Variants in ACAD9 observed in about 807,000 individuals in gnomAD.
The protein encoded by ACAD9 is acyl-CoA dehydrogenase family member 9, also known as complex I assembly factor ACAD9, mitochondrial.
ACAD9 carries 53 observed loss-of-function variants against 70.2 expected under a neutral mutation model. The observed-to-expected ratio is 0.75, with a 90% confidence interval of 0.61 to 0.95. The LOEUF (loss-of-function observed/expected upper bound fraction) is 0.95. Among genes scored for constraint, ACAD9 ranks in the 40% least tolerant of loss-of-function variants. The pLI is 0.00. For missense variants in ACAD9, 777 were observed against 802.8 expected (o/e 0.97, Z 0.39); for synonymous variants, 313 against 312.1 (o/e 1.00, Z -0.03).
At chr3:128,909,138 C>T (rs1298250838) in intron 14 of ACAD9, 39 bp downstream of exon 14, 10 of 1,613,028 alleles carry the variant, frequency 6.2e-6, no homozygotes, top group African/African-American at 1.3e-5. Context: ...ATTTCAATGC[C>T]CTCCTGCCAG....
intron 4 of ACAD9, among the ~76,000 whole-genome samples, 172 bp from the exon 5 acceptor site, chr3:128,896,264 G>A (rs1237888775): frequency 2.6e-5 from 4 of 152,256 alleles, no homozygotes; most frequent in Non-Finnish European, 5.9e-5. Context: ...CGCCCTGACC[G>A]TCTCCTCAGC....
intron 13 of ACAD9, chr3:128,908,724 C>T (rs1412949405): frequency 3.4e-6 from 2 of 593,564 alleles, no homozygotes; most frequent in African/African-American, 1.9e-5. Context: ...GTCTCCTTCA[C>T]AGGAGACAGC....
At chr3:128,900,251 T>C (rs1395735055) in intron 7 of ACAD9, among the ~76,000 whole-genome samples, 1 of 152,076 alleles carries the variant, frequency 6.6e-6, no homozygotes, top group African/African-American at 2.4e-5. Context: ...TGGTTTGTTT[T>C]TTTTGAGACG....
Position 128,910,052 on chromosome 3 carries a change from G to A in ACAD9, c.1595G>A (p.Arg532Gln), listed in dbSNP as rs770127110. ...TIMEEQLVLK[R>Q]VANILINLYG... Reference sequence around the variant, plus strand: ...ATGGAGGAGCAGCTGGTACTGAAGCGGGTGGCCAACATCCTCATCAACCTG... The same window carrying A: ...ATGGAGGAGCAGCTGGTACTGAAGCAGGTGGCCAACATCCTCATCAACCTG... Residue 532 changes from arginine (R) to glutamine (Q), a missense_variant, in exon 16 of 18, where the codon CGG (arginine) becomes CAG (glutamine). Transcript: ENST00000308982. 10 of 1,613,778 alleles carry A rather than the reference G, an allele frequency of 6.2e-6. No homozygotes were observed. Among genetic ancestry groups the A allele is most frequent in the South Asian group, 4.4e-5 (4 of 90,934 alleles).
chr3:128,891,731 A>G (rs1364844596), intron 2 of ACAD9, among the ~76,000 whole-genome samples: 2 of 152,208 alleles, frequency 1.3e-5, no homozygotes, highest in Non-Finnish European at 2.9e-5. Flanking sequence ...CTGACTTCAT[A>G]TTGCTTCAGA....
chr3:128,912,238 G>A (rs1936409469), intron 17 of ACAD9, among the ~76,000 whole-genome samples: 1 of 152,186 alleles, frequency 6.6e-6, no homozygotes, highest in Non-Finnish European at 1.5e-5. Flanking sequence ...TCACAGATGG[G>A]CTGTTTACGG....
intron 5 of ACAD9, 69 bp downstream of exon 5, chr3:128,896,605 G>A: frequency 1.3e-6 from 2 of 1,526,560 alleles, no homozygotes; most frequent in Non-Finnish European, 1.8e-6. Flanking sequence ...GGGGCAAGGG[G>A]CTGTTGGTTT....
At chr3:128,895,232 G>T in intron 3 of ACAD9, 78 bp from the exon 4 acceptor site, 1 of 999,354 alleles carries the variant, frequency 1.0e-6, no homozygotes, top group Non-Finnish European at 1.5e-6. Context: ...ATAATCAGAA[G>T]AAAAAAAAAA....
intron 17 of ACAD9, 147 bp from the exon 18 acceptor site, chr3:128,912,360 C>T: frequency 1.4e-6 from 1 of 707,874 alleles, no homozygotes; most frequent in Non-Finnish European, 2.6e-6. Context: ...CCCTGAATCA[C>T]TTGCTGGGGG....
Position 128,893,719 on chromosome 3 carries a change from A to G in ACAD9, c.346+63A>G, listed in dbSNP as rs10460833. ...TTAAGAAAGCACTCTGTATTTGTCC[A>G]TAACAGGTCTAGTTGCTGGAATAGA... On this transcript the variant is annotated intron_variant, in intron 3 of 17. Coordinates refer to ENST00000308982, the MANE Select transcript of ACAD9 (RefSeq NM_014049.5). 35,145 of 1,398,604 alleles carry G rather than the reference A, an allele frequency of 0.025. 1,389 individuals carry two copies. Among genetic ancestry groups the G allele is most frequent in the African/African-American group, 0.13 (9,016 of 70,684 alleles). 86.6% of individuals were successfully genotyped at this position (1,398,604 alleles called of 1,614,324 possible). A position where few individuals can be genotyped will look rare whatever the true frequency, so the allele number is the denominator to read the frequency against.
At chr3:128,906,960 C>T (rs1453709061) in intron 12 of ACAD9, among the ~76,000 whole-genome samples, 1 of 152,188 alleles carries the variant, frequency 6.6e-6, no homozygotes, top group Non-Finnish European at 1.5e-5. Context: ...CCCAGGGGCT[C>T]AGCAAGTGCT....
chr3:128,898,890 C>T (rs1399315495), intron 6 of ACAD9, among the ~76,000 whole-genome samples: 1 of 152,104 alleles, frequency 6.6e-6, no homozygotes, highest in Non-Finnish European at 1.5e-5. Context: ...TTTTTCATTT[C>T]TTTGTAGAAT....
In ACAD9 at chr3:128,911,310, A is replaced by G. The variant is rs1936284832; in HGVS notation, c.1765+497A>G. Among the ~76,000 whole-genome samples, 3 of 151,808 alleles carry G rather than the reference A, an allele frequency of 2.0e-5. No homozygotes were observed. In the South Asian group the frequency reaches 6.2e-4, roughly 32 times the overall value. On this transcript the variant is annotated intron_variant, in intron 17 of 17. Coordinates refer to ENST00000308982, the MANE Select transcript of ACAD9 (RefSeq NM_014049.5). ...TGACCTCAGGTGATCTGCCTGCCTC[A>G]GCCTCCAAAAATGCTGGGATTACAG...
At chr3:128,906,368 G>A in intron 12 of ACAD9, 119 bp downstream of exon 12, 1 of 1,484,572 alleles carries the variant, frequency 6.7e-7, no homozygotes, top group Non-Finnish European at 9.1e-7. Context: ...ATGCTCTCAG[G>A]GGCTCTCCTA....
At chr3:128,887,574 C>T (rs894804158) in intron 2 of ACAD9, among the ~76,000 whole-genome samples, 1 of 150,438 alleles carries the variant, frequency 6.6e-6, no homozygotes, top group Non-Finnish European at 1.5e-5. Flanking sequence ...TGCCATTGAG[C>T]TCCAGCCTGG....
chr3:128,889,747 A>G (rs1242185025), intron 2 of ACAD9, among the ~76,000 whole-genome samples: 1 of 152,214 alleles, frequency 6.6e-6, no homozygotes, highest in African/African-American at 2.4e-5. Context: ...TATCCATTCA[A>G]GTATTCATCA....
At position 128,908,214 on chromosome 3, in the gene ACAD9, C is replaced by A. The variant is rs377333176; in HGVS notation, c.1308C>A (p.Ile436=). The change falls in exon 13 of 18, where the codon ATC becomes ATA. Residue 436 remains isoleucine, a synonymous_variant. Transcript: ENST00000308982. Reference sequence around the variant, plus strand: ...CCAATGAGATTCTCCGGATGTACATCGCCCTGACGGGTCTGCAGCATGCCG... The same window carrying A: ...CCAATGAGATTCTCCGGATGTACATAGCCCTGACGGGTCTGCAGCATGCCG... ...EGTNEILRMY[I]ALTGLQHAGR... is the part of the protein sequence containing the mutation. 1 of 1,614,192 alleles carries A rather than the reference C, an allele frequency of 6.2e-7. No individual in the cohort carries two copies. Among genetic ancestry groups the A allele is most frequent in the Admixed American group, 1.7e-5 (1 of 60,028 alleles).
chr3:128,884,081 G>A (rs1412936439), intron 1 of ACAD9, among the ~76,000 whole-genome samples: 2 of 152,202 alleles, frequency 1.3e-5, no homozygotes, highest in African/African-American at 4.8e-5. Context: ...GAGAGACAGC[G>A]GCTGTAGGGA....
intron 17 of ACAD9, among the ~76,000 whole-genome samples, chr3:128,911,682 TC>T (rs1398898077): frequency 6.6e-6 from 1 of 152,174 alleles, no homozygotes; most frequent in African/African-American, 2.4e-5. Context: ...CCTCAGGTGA[TC>T]CGCCCACCTT....
Sources: gnomAD v4.1 joint callset for allele counts (sites outside exome capture counted in the v4.1 genomes callset) on GRCh38, gnomAD v4.1.1 for gene constraint, MANE v1.5 for transcripts, NCBI Gene and HGNC (gene_info 2026-07-23, HGNC 2026-07-21) for gene names.